The following KCNH5 variants were observed in gnomAD, a reference collection of about 807,000 sequenced individuals.
The protein encoded by KCNH5 is potassium voltage-gated channel subfamily H member 5.
A neutral mutation model predicts 96.1 loss-of-function variants in KCNH5; 46 were observed. The observed-to-expected ratio is 0.48, with a 90% CI of 0.38 to 0.61. The LOEUF (loss-of-function observed/expected upper bound fraction) is 0.61. Among genes scored for constraint, KCNH5 ranks in the 20% least tolerant of loss-of-function variants. The probability of loss-of-function intolerance (pLI) is 0.00; values close to 1 mark genes in which losing one functional copy is unlikely to be tolerated. For synonymous variants in KCNH5, 439 were observed against 449.8 expected (o/e 0.98, Z 0.30); for missense variants, 907 against 1,225.8 (o/e 0.74, Z 3.88).
intron 7 of KCNH5, among the ~76,000 whole-genome samples, chr14:62,874,924 T>C (rs913767401): frequency 2.6e-4 from 38 of 145,672 alleles, no homozygotes; most frequent in African/African-American, 7.1e-4. Context: ...GACGACATCA[T>C]TGTATATCTA....
intron 10 of KCNH5, among the ~76,000 whole-genome samples, chr14:62,753,782 C>T (rs1214273317): frequency 6.6e-6 from 1 of 152,118 alleles, no homozygotes; most frequent in African/African-American, 2.4e-5. Context: ...TAAAGACTTT[C>T]CTAGACAAGG....
chr14:62,872,209 G>T (rs941974647), intron 7 of KCNH5, among the ~76,000 whole-genome samples: 3 of 152,126 alleles, frequency 2.0e-5, no homozygotes, highest in Non-Finnish European at 2.9e-5. Context: ...ACACAGAGAT[G>T]AAAAAATAGT....
intron 6 of KCNH5, among the ~76,000 whole-genome samples, chr14:62,978,930 C>T (rs573993264): frequency 6.6e-6 from 1 of 152,148 alleles, no homozygotes; most frequent in South Asian, 2.1e-4. Context: ...CACTTTACAC[C>T]CACTTTCTCA....
intron 7 of KCNH5, among the ~76,000 whole-genome samples, chr14:62,870,030 A>G (rs915409313): frequency 2.6e-5 from 4 of 152,222 alleles, no homozygotes; most frequent in Admixed American, 1.3e-4. Context: ...GAATACATCT[A>G]TAGTTTCTAT....
intron 8 of KCNH5, among the ~76,000 whole-genome samples, chr14:62,830,052 A>G (rs1165939694): frequency 6.6e-6 from 1 of 152,190 alleles, no homozygotes. Flanking sequence ...AGTTCCATAC[A>G]TCTCTAGGGC....
chr14:62,946,974 A>T (rs928777554), intron 7 of KCNH5, among the ~76,000 whole-genome samples: 1 of 152,176 alleles, frequency 6.6e-6, no homozygotes. Context: ...GTAAAGGAAC[A>T]GTTCTGTATC....
intron 8 of KCNH5, among the ~76,000 whole-genome samples, chr14:62,811,967 G>T (rs1886881408): frequency 6.6e-6 from 1 of 152,086 alleles, no homozygotes; most frequent in South Asian, 2.1e-4. Context: ...ATTAGGCATG[G>T]TTTGAAAAGT....
intron 1 of KCNH5, among the ~76,000 whole-genome samples, chr14:63,021,629 T>G (rs921778068): frequency 6.6e-6 from 1 of 152,110 alleles, no homozygotes; most frequent in Non-Finnish European, 1.5e-5. Flanking sequence ...CTATTCTCAC[T>G]GACTCCATCT....
chr14:63,025,790 C>G (rs1179640948), intron 1 of KCNH5, among the ~76,000 whole-genome samples: 1 of 151,654 alleles, frequency 6.6e-6, no homozygotes, highest in African/African-American at 2.4e-5. Context: ...CCATACTACC[C>G]AAAGCAATCC....
At chr14:62,875,395 G>A (rs1185691078) in intron 7 of KCNH5, among the ~76,000 whole-genome samples, 2 of 152,072 alleles carry the variant, frequency 1.3e-5, no homozygotes, top group East Asian at 1.9e-4. Context: ...TCAATCCTAA[G>A]CCAAAAGAAC....
intron 5 of KCNH5, among the ~76,000 whole-genome samples, chr14:62,984,171 A>C (rs529293379): frequency 7.9e-5 from 12 of 152,288 alleles, no homozygotes; most frequent in African/African-American, 2.9e-4. Context: ...GGATGAAATC[A>C]CATTTTTTGA....
chr14:62,790,383 GT>G (rs1449078632), intron 9 of KCNH5, among the ~76,000 whole-genome samples: 1 of 151,526 alleles, frequency 6.6e-6, no homozygotes, highest in Non-Finnish European at 1.5e-5. Flanking sequence ...GTCTATTTGG[GT>G]TTTTTCTACA....
intron 7 of KCNH5, among the ~76,000 whole-genome samples, chr14:62,922,793 C>T (rs1266225109): frequency 6.6e-6 from 1 of 151,662 alleles, no homozygotes; most frequent in Admixed American, 6.6e-5. Context: ...AAGAATATAC[C>T]TCAACTCAAT....
chr14:62,908,115 A>G (rs1889064833), intron 7 of KCNH5, among the ~76,000 whole-genome samples: 1 of 152,318 alleles, frequency 6.6e-6, no homozygotes, highest in African/African-American at 2.4e-5. Flanking sequence ...TTTTCAGCTC[A>G]GTTTGTATAA....
intron 10 of KCNH5, among the ~76,000 whole-genome samples, chr14:62,779,234 T>C (rs1386070431): frequency 6.6e-6 from 1 of 152,238 alleles, no homozygotes; most frequent in Non-Finnish European, 1.5e-5. Context: ...TCCATATTTG[T>C]AGGATGTGTC....
intron 7 of KCNH5, among the ~76,000 whole-genome samples, chr14:62,944,176 G>A (rs997630549): frequency 9.9e-5 from 15 of 152,086 alleles, no homozygotes; most frequent in Admixed American, 9.2e-4. Context: ...ATTGAAAAGA[G>A]GGCTCATAAG....
intron 7 of KCNH5, among the ~76,000 whole-genome samples, chr14:62,901,373 C>A (rs187588594): frequency 4.9e-4 from 74 of 152,022 alleles, no homozygotes; most frequent in African/African-American, 1.7e-3. Flanking sequence ...ACCCTTGCCC[C>A]CTCCCTCTCT....
intron 9 of KCNH5, among the ~76,000 whole-genome samples, chr14:62,789,959 T>C (rs1886397858): frequency 6.6e-6 from 1 of 151,868 alleles, no homozygotes; most frequent in Non-Finnish European, 1.5e-5. Flanking sequence ...TGGTGTTATA[T>C]CCAAAAAGTC....
intron 4 of KCNH5, 47 bp downstream of exon 4, chr14:63,001,284 T>G (rs1315290827): frequency 6.5e-7 from 1 of 1,532,322 alleles, no homozygotes; most frequent in African/African-American, 1.4e-5. Context: ...AGAAGATCTT[T>G]TAGCAACAGC....
Sources: allele counts gnomAD v4.1 joint callset (sites outside exome capture counted in the v4.1 genomes callset), GRCh38; gene constraint gnomAD v4.1.1; transcripts MANE v1.5; gene names NCBI Gene and HGNC (gene_info 2026-07-23, HGNC 2026-07-21).